HMGCLL1: variants seen among roughly 807,000 people sequenced by gnomAD.
HMGCLL1 encodes the protein 3-hydroxy-3-methylglutaryl-CoA lyase like 1.
In HMGCLL1, 36 loss-of-function variants were observed where a neutral mutation model predicts 39.1. The observed-to-expected ratio is 0.92, with a 90% CI of 0.71 to 1.22. The LOEUF (loss-of-function observed/expected upper bound fraction) is 1.22. Ranked by LOEUF, HMGCLL1 falls within the 50% of genes most tolerant of loss-of-function variation. The pLI, the probability that HMGCLL1 is intolerant of heterozygous loss-of-function variation, is 0.00. For missense variants in HMGCLL1, 451 were observed against 416.5 expected, an observed-to-expected ratio of 1.08 and a Z score of -0.72; for synonymous variants, 149 against 144.0, an observed-to-expected ratio of 1.03 and a Z score of -0.25.
chr6:55,586,545 TCC>T, the HMGCLL1 span, among the ~76,000 whole-genome samples: 1 of 133,556 alleles, frequency 7.5e-6, no homozygotes, highest in Non-Finnish European at 1.6e-5. Flanking sequence ...CCCTCCCTCC[TCC>T]CCCCACCCTA....
the HMGCLL1 span, among the ~76,000 whole-genome samples, chr6:55,619,456 G>A: frequency 2.5e-4 from 38 of 152,098 alleles, no homozygotes; most frequent in East Asian, 5.6e-3. Flanking sequence ...GCACATGGGA[G>A]GGGGGTTCTG....
At chr6:55,436,850 G>T (rs1763390881) in intron 8 of HMGCLL1, among the ~76,000 whole-genome samples, 1 of 151,942 alleles carries the variant, frequency 6.6e-6, no homozygotes, top group Non-Finnish European at 1.5e-5. Flanking sequence ...TTTTCATGAT[G>T]TCTTTTTATT....
rs756867993 is a variant in HMGCLL1 at position 55,439,519 on chromosome 6, C to T, written c.836G>A (p.Gly279Asp). ...AGCACCTTTTGCATAAGGGCAGCCA[C>T]CTAATCCGGATACTGCGGAGTCCAC... The part of the protein sequence containing the change: ...NVVDSAVSGL[G>D]GCPYAKGASG... The change falls in exon 8 of 9, where the codon GGT (glycine) becomes GAT (aspartate). Residue 279 changes from glycine (G) to aspartate (D), a missense_variant. Coordinates refer to ENST00000274901, the MANE Select transcript of HMGCLL1 (RefSeq NM_001042406.2). 3 of 1,613,044 alleles carry T rather than the reference C, an allele frequency of 1.9e-6. No individual in the cohort carries two copies. In the East Asian group the frequency reaches 6.7e-5, roughly 36 times the overall value.
the HMGCLL1 span, among the ~76,000 whole-genome samples, chr6:55,587,900 A>G: frequency 1.3e-5 from 2 of 152,206 alleles, no homozygotes; most frequent in East Asian, 3.9e-4. Flanking sequence ...CCAGATTCAT[A>G]AAGCAAGTCA....
chr6:55,454,997 C>T (rs564735669), intron 7 of HMGCLL1, among the ~76,000 whole-genome samples: 14 of 131,544 alleles, frequency 1.1e-4, no homozygotes, highest in African/African-American at 4.1e-4. Flanking sequence ...GTGTTCCCAG[C>T]TACTGGGGAG....
the HMGCLL1 span, among the ~76,000 whole-genome samples, chr6:55,675,461 T>C: frequency 6.6e-6 from 1 of 152,128 alleles, no homozygotes; most frequent in Non-Finnish European, 1.5e-5. Flanking sequence ...TGGAATAAAT[T>C]ATGTCTTCTC....
At chr6:55,666,981 CA>C in the HMGCLL1 span, among the ~76,000 whole-genome samples, 1 of 151,070 alleles carries the variant, frequency 6.6e-6, no homozygotes, top group African/African-American at 2.4e-5. Context: ...TGTTCTTAAA[CA>C]GACTAGGTTG....
At chr6:55,442,729 T>G (rs1201306906) in intron 7 of HMGCLL1, among the ~76,000 whole-genome samples, 1 of 152,190 alleles carries the variant, frequency 6.6e-6, no homozygotes, top group Non-Finnish European at 1.5e-5. Context: ...CATAATGATC[T>G]GACAAGCTTA....
chr6:55,592,237 C>A, the HMGCLL1 span, among the ~76,000 whole-genome samples: 1 of 152,052 alleles, frequency 6.6e-6, no homozygotes, highest in South Asian at 2.1e-4. Flanking sequence ...TTTTACCTTT[C>A]TCTCTTTTAA....
the HMGCLL1 span, among the ~76,000 whole-genome samples, chr6:55,589,083 C>G: frequency 6.6e-6 from 1 of 152,156 alleles, no homozygotes; most frequent in East Asian, 1.9e-4. Context: ...GATACCAAAG[C>G]CTGGCAGAGA....
At chr6:55,590,633 A>G in the HMGCLL1 span, among the ~76,000 whole-genome samples, 4 of 152,024 alleles carry the variant, frequency 2.6e-5, no homozygotes, top group East Asian at 3.9e-4. Flanking sequence ...TTAATAAAAA[A>G]TCTTCATAAA....
chr6:55,437,238 C>T (rs1018150113), intron 8 of HMGCLL1, among the ~76,000 whole-genome samples: 1 of 151,884 alleles, frequency 6.6e-6, no homozygotes, highest in South Asian at 2.1e-4. Context: ...AAATATGTCT[C>T]GTATACTATG....
the HMGCLL1 span, among the ~76,000 whole-genome samples, chr6:55,647,612 A>G: frequency 2.1e-4 from 32 of 151,660 alleles, no homozygotes; most frequent in African/African-American, 6.5e-4. Context: ...CTTATTACCC[A>G]TTATTTTAAA....
rs910225331 is a variant in HMGCLL1, at chr6:55,434,717, A to G, written c.*945T>C. 1 of 152,092 alleles carries G rather than the reference A, an allele frequency of 6.6e-6. No homozygotes were observed. The highest frequency in any genetic ancestry group is 2.4e-5 in the African/African-American group (1 of 41,434). 9.4% of individuals were successfully genotyped at this position (152,092 alleles called of 1,614,324 possible). On this transcript the variant is annotated 3_prime_UTR_variant, in exon 9 of 9. Coordinates refer to ENST00000274901, the MANE Select transcript of HMGCLL1 (RefSeq NM_001042406.2). ...CAACTTCTAAAATAACCACTAAAAA[A>G]TACACCAAAAAATAATGTGGGTAAG...
At chr6:55,530,473 T>C (rs1283777531) in intron 3 of HMGCLL1, among the ~76,000 whole-genome samples, 1 of 152,068 alleles carries the variant, frequency 6.6e-6, no homozygotes, top group Admixed American at 6.6e-5. Flanking sequence ...CAATCAGTGA[T>C]GAATTGATAG....
chr6:55,658,298 C>T, the HMGCLL1 span, among the ~76,000 whole-genome samples: 2,056 of 152,024 alleles, frequency 0.014, 52 homozygotes, highest in African/African-American at 0.047. Context: ...TCTGTTTCAA[C>T]GTCTTAGGTT....
chr6:55,492,534 C>T (rs1471666093), intron 7 of HMGCLL1, among the ~76,000 whole-genome samples: 2 of 152,208 alleles, frequency 1.3e-5, no homozygotes, highest in African/African-American at 2.4e-5. Context: ...CAGTTACATA[C>T]AGTTTCAAGA....
chr6:55,627,077 C>T, the HMGCLL1 span, among the ~76,000 whole-genome samples: 1 of 108,062 alleles, frequency 9.3e-6, no homozygotes, highest in African/African-American at 3.4e-5. Flanking sequence ...AAAAAAAATA[C>T]AACCACTGAG....
intron 5 of HMGCLL1, among the ~76,000 whole-genome samples, chr6:55,509,710 A>C (rs928385339): frequency 6.6e-6 from 1 of 151,880 alleles, no homozygotes; most frequent in Non-Finnish European, 1.5e-5. Flanking sequence ...AAAAATAATT[A>C]AACACAGGAA....
Sources: allele counts gnomAD v4.1 joint callset (sites outside exome capture counted in the v4.1 genomes callset), GRCh38; gene constraint gnomAD v4.1.1; transcripts MANE v1.5; gene names NCBI Gene and HGNC (gene_info 2026-07-23, HGNC 2026-07-21).